Variants in LAMA5 observed in about 807,000 individuals in gnomAD.
LAMA5 encodes laminin subunit alpha-5.
Under a neutral mutation model 433.4 loss-of-function variants are expected in LAMA5, and 260 were observed. That is an observed-to-expected ratio of 0.60 (90% CI 0.54 to 0.66). The LOEUF (loss-of-function observed/expected upper bound fraction) is 0.66. LAMA5 is among the 30% of genes least tolerant of loss of function. The pLI is 0.00. For synonymous variants in LAMA5, 2,620 were observed against 2,226.6 expected, an observed-to-expected ratio of 1.18 and a Z score of -4.97; for missense variants, 5,378 against 5,258.5, an observed-to-expected ratio of 1.02 and a Z score of -0.70.
intron 6 of LAMA5, among the ~76,000 whole-genome samples, chr20:62,349,065 C>G (rs751439431): frequency 1.3e-5 from 2 of 151,802 alleles, no homozygotes; most frequent in Non-Finnish European, 2.9e-5. Context: ...GTCAGGAGAT[C>G]GAGACCATCT....
chr20:62,334,237 G>C lies in LAMA5; in HGVS notation c.2688C>G (p.Leu896=). ...GHAVRFGFNP[L]EFENFSWRGY... Reference sequence around the variant, plus strand: ...CCCTCCAGCTGAAGTTCTCGAACTCGAGGGGGTTGAAGCCAAAGCGCACGG... The same window carrying C: ...CCCTCCAGCTGAAGTTCTCGAACTCCAGGGGGTTGAAGCCAAAGCGCACGG... Residue 896 remains leucine, a synonymous_variant, in exon 22 of 80, where the codon CTC becomes CTG. Coordinates refer to ENST00000252999, the MANE Select transcript of LAMA5 (RefSeq NM_005560.6). 1.2e-6 allele frequency: 2 copies of C among 1,612,900 alleles called. No individual in the cohort carries two copies. The highest frequency in any genetic ancestry group is 1.7e-6 in the Non-Finnish European group (2 of 1,179,886).
intron 57 of LAMA5, 66 bp from the exon 58 acceptor site, chr20:62,316,124 C>T: frequency 1.8e-6 from 2 of 1,122,142 alleles, no homozygotes; most frequent in African/African-American, 1.5e-5. Context: ...AGCCCACCTC[C>T]ACCCTTCTGA....
In LAMA5 at chr20:62,312,422, G is replaced by A. The variant is rs1986390338; in HGVS notation, c.9338C>T (p.Ala3113Val). The A allele has an allele frequency of 3.1e-5, 49 of 1,597,894 alleles. No homozygotes were observed. The highest frequency in any genetic ancestry group is 4.1e-5 in the Non-Finnish European group (48 of 1,179,406). Residue 3113 changes from alanine (A) to valine (V), a missense_variant, in exon 68 of 80, where the codon GCC (alanine) becomes GTC (valine). Physicochemically the swap from Ala to Val is moderately conservative, Grantham distance 64 (BLOSUM62 0). Transcript: ENST00000252999. ...CACCAGCAGGTCGGCGGTGCAGCCG[G>A]CGCTCACGCCTGTCGTGTTCAGCCG... is the stretch of plus-strand genomic sequence containing the variant. ...LKRLNTTGVS[A>V]GCTADLLVGR...
At chr20:62,345,020 TTTTG>T (rs763058383) in intron 11 of LAMA5, among the ~76,000 whole-genome samples, 56 of 152,218 alleles carry the variant, frequency 3.7e-4, no homozygotes, top group Admixed American at 1.3e-3. Flanking sequence ...AACTTTTTGT[TTTTG>T]TTTTTCTTTT....
intron 57 of LAMA5, chr20:62,316,268 G>A (rs1188131480): frequency 1.7e-6 from 1 of 593,734 alleles, no homozygotes; most frequent in Non-Finnish European, 3.0e-6. Flanking sequence ...TCCCACTGCA[G>A]GCATAGCTGT....
chr20:62,343,363 G>C (rs188541688), intron 11 of LAMA5, among the ~76,000 whole-genome samples: 3 of 152,116 alleles, frequency 2.0e-5, no homozygotes, highest in Non-Finnish European at 4.4e-5. Context: ...CCAGAGATTC[G>C]GTAGAACAAC....
At chr20:62,313,279 G>GAGGGTGGGGT (rs1451794722) in intron 64 of LAMA5, 29 bp from the exon 65 acceptor site, 61 of 1,539,468 alleles carry the variant, frequency 4.0e-5, no homozygotes, top group Middle Eastern at 1.8e-4. Context: ...GGGGTCAGCG[G>GAGGGTGGGGT]AGGGTGGGGT....
At chr20:62,325,084 G>GGAGGGGCAGGCGGAT (rs1979017797) in intron 41 of LAMA5, 8 of 287,266 alleles carry the variant, frequency 2.8e-5, no homozygotes, top group East Asian at 2.6e-4. Flanking sequence ...GTGTGTGCAT[G>GGAGGGGCAGGCGGAT]GAGGGGCAGG....
intron 28 of LAMA5, among the ~76,000 whole-genome samples, chr20:62,331,810 G>A (rs1601350195): frequency 6.6e-6 from 1 of 152,218 alleles, no homozygotes; most frequent in Non-Finnish European, 1.5e-5. Flanking sequence ...CCAGCATTTT[G>A]GGAGGCCCAA....
chr20:62,338,659 T>A, intron 11 of LAMA5, 51 bp from the exon 12 acceptor site: 1 of 1,546,060 alleles, frequency 6.5e-7, no homozygotes, highest in Non-Finnish European at 8.7e-7. Flanking sequence ...CAGACCCCAG[T>A]ACGCCCCTCC....
Position 62,311,397 on chromosome 20 carries a change from C to A in LAMA5, c.9942+4G>T. 1 of 1,553,784 alleles carries A rather than the reference C, an allele frequency of 6.4e-7. No individual in the cohort carries two copies. The highest frequency in any genetic ancestry group is 8.7e-7 in the Non-Finnish European group (1 of 1,147,654). ...CTCTGCCTGCTCACCCCTGGGGTGCCCACCTTCCGGGCGGTGGCCTGCAGT... is the reference window on the plus strand; with the variant it reads ...CTCTGCCTGCTCACCCCTGGGGTGCACACCTTCCGGGCGGTGGCCTGCAGT... On this transcript the variant is annotated splice_donor_region_variant and intron_variant, in intron 72 of 79. Transcript: ENST00000252999.
chr20:62,367,091 A>T lies in LAMA5; in HGVS notation c.155T>A (p.Leu52Gln). Residue 52 changes from leucine to glutamine, a missense_variant, in exon 1 of 80, where the codon CTG (leucine) becomes CAG (glutamine). Transcript: ENST00000252999. The stretch of plus-strand genomic sequence containing the variant: ...GGCGGCGATGCGGGCGCCCTCGGCC[A>T]GGTTGAAGTAGGGCGGGTGCAGGCT... Reference protein sequence around the residue: ...GFSLHPPYFNLAEGARIAASA... With the variant: ...GFSLHPPYFNQAEGARIAASA... 1 of 1,266,324 alleles carries T rather than the reference A, an allele frequency of 7.9e-7. No individual in the cohort carries two copies. Among genetic ancestry groups the T allele is most frequent in the Non-Finnish European group, 9.9e-7 (1 of 1,009,114 alleles). The allele number at this position is 1,266,324 out of a possible 1,614,324, so 78.4% of individuals were successfully genotyped here. A position where few individuals can be genotyped will look rare whatever the true frequency, so the allele number is the denominator to read the frequency against.
Position 62,367,193 on chromosome 20 carries a change from C to T in LAMA5, c.53G>A (p.Gly18Asp). Residue 18 changes from glycine (G) to aspartate (D), a missense_variant, in exon 1 of 80, where the codon GGC (glycine) becomes GAC (aspartate). Gly to Asp is a moderately conservative substitution (Grantham distance 94). Coordinates refer to ENST00000252999, the MANE Select transcript of LAMA5 (RefSeq NM_005560.6). Reference protein sequence around the residue: ...GSALCVRGPRGPAPLLLVGLA... With the variant: ...GSALCVRGPRDPAPLLLVGLA... ...CCCGACCAGCAGCAGCGGCGCGGGGCCCCGGGGGCCGCGAACACACAGTGC... is the reference window on the plus strand; with the variant it reads ...CCCGACCAGCAGCAGCGGCGCGGGGTCCCGGGGGCCGCGAACACACAGTGC... 2.5e-6 allele frequency: 3 copies of T among 1,222,048 alleles called. No homozygotes were observed. The highest frequency in any genetic ancestry group is 3.6e-5 in the East Asian group (1 of 27,508). The allele number at this position is 1,222,048 out of a possible 1,614,324, so 75.7% of individuals were successfully genotyped here. A position where few individuals can be genotyped will look rare whatever the true frequency, so the allele number is the denominator to read the frequency against.
rs200951660 is a variant in LAMA5 at position 62,317,734 on chromosome 20, G to A, written c.7284C>T (p.Ala2428=). The part of the protein sequence containing the change: ...ELSRDNATLQ[A]TLHAARDTLA... ...GGGTGTCCCTAGCCGCATGCAGAGTGGCCTGCAGGGTGGCATTGTCCCGGG... is the reference window on the plus strand; with the variant it reads ...GGGTGTCCCTAGCCGCATGCAGAGTAGCCTGCAGGGTGGCATTGTCCCGGG... The change falls in exon 54 of 80, where the codon GCC becomes GCT. Residue 2428 remains alanine (A), a synonymous_variant. Transcript: ENST00000252999. 8 of 1,607,838 alleles carry A rather than the reference G, an allele frequency of 5.0e-6. No homozygotes were observed. In the African/African-American group the frequency reaches 5.4e-5, roughly 11 times the overall value.
intron 58 of LAMA5, among the ~76,000 whole-genome samples, chr20:62,315,744 C>T (rs568268069): frequency 4.6e-5 from 7 of 152,348 alleles, no homozygotes; most frequent in South Asian, 2.1e-4. Context: ...TCCAAGCTTG[C>T]CAGGCTCCCG....
At chr20:62,321,290 G>A (rs866428991) in intron 48 of LAMA5, among the ~76,000 whole-genome samples, 51 of 103,234 alleles carry the variant, frequency 4.9e-4, no homozygotes, top group Admixed American at 1.5e-3. Flanking sequence ...TGGGGCCGGT[G>A]GAGGAAGAGG....
chr20:62,356,525 C>G (rs541819514), intron 2 of LAMA5: 1 of 152,262 alleles, frequency 6.6e-6, no homozygotes, highest in Non-Finnish European at 1.5e-5. Flanking sequence ...GGGGCAGGCA[C>G]GTCTCCAGGA....
Position 62,309,338 on chromosome 20 carries a change from A to C in LAMA5, c.11086T>G (p.Ter3696GluextTer24). The stretch of plus-strand genomic sequence containing the variant: ...CAGGGGCCGGGGTTGGCTGTGTCCT[A>C]GGCGGCTGGGCAGCCACTGGCCCCC... ...AVGASGCPAA[*>E] The change falls in exon 80 of 80, where the codon TAG (stop) becomes GAG (glutamate). Residue 3696 changes from the stop codon to glutamate, a stop_lost. Coordinates refer to ENST00000252999, the MANE Select transcript of LAMA5 (RefSeq NM_005560.6). 1.9e-6 allele frequency: 3 copies of C among 1,591,646 alleles called. No homozygotes were observed. The highest frequency in any genetic ancestry group is 2.5e-6 in the Non-Finnish European group (3 of 1,177,352).
intron 28 of LAMA5, 25 bp downstream of exon 28, chr20:62,332,347 G>T: frequency 1.3e-6 from 2 of 1,508,464 alleles, no homozygotes; most frequent in Non-Finnish European, 1.8e-6. Context: ...TGACCCCTTG[G>T]GGTGGGGACC....
Sources: gnomAD v4.1 joint callset for allele counts (sites outside exome capture counted in the v4.1 genomes callset) on GRCh38, gnomAD v4.1.1 for gene constraint, MANE v1.5 for transcripts, NCBI Gene and HGNC (gene_info 2026-07-23, HGNC 2026-07-21) for gene names.